The following ABCA3 variants were observed in gnomAD, a reference collection of about 807,000 sequenced individuals.
ABCA3 encodes the protein phospholipid-transporting ATPase ABCA3.
A neutral mutation model predicts 172.8 loss-of-function variants in ABCA3; 88 were observed. That is an observed-to-expected ratio of 0.51 (90% CI 0.43 to 0.61). ABCA3 has a LOEUF of 0.61. Among genes scored for constraint, ABCA3 ranks in the 20% least tolerant of loss-of-function variants. ABCA3 has a pLI of 0.00. For missense variants in ABCA3, 2,164 were observed against 2,301.0 expected, an observed-to-expected ratio of 0.94 and a Z score of 1.22; for synonymous variants, 1,066 against 983.8, an observed-to-expected ratio of 1.08 and a Z score of -1.56.
At chr16:2,311,238 CT>C (rs1446898999) in intron 10 of ABCA3, among the ~76,000 whole-genome samples, 1 of 152,110 alleles carries the variant, frequency 6.6e-6, no homozygotes, top group Non-Finnish European at 1.5e-5. Flanking sequence ...TCCCAAAGTG[CT>C]GGAATTACAG....
intron 10 of ABCA3, among the ~76,000 whole-genome samples, chr16:2,313,068 T>A (rs892064904): frequency 7.3e-5 from 11 of 151,180 alleles, no homozygotes; most frequent in African/African-American, 2.4e-4. Flanking sequence ...ACAAAAAAAA[T>A]TTAAAAAATA....
chr16:2,278,965 T>C lies in ABCA3; in HGVS notation c.4525A>G (p.Asn1509Asp), dbSNP rs763443327. Residue 1509 changes from asparagine to aspartate, a missense_variant, in exon 29 of 33, where the codon AAC becomes GAC. By Grantham distance (23) the Asn-to-Asp change is conservative. Around this residue, in one of 3 missense-constraint regions of ABCA3, gnomAD observed 795 missense variants for 881.9 expected, o/e 0.90. Transcript: ENST00000301732. The surrounding 1 kb of genome is among the most constrained non-coding windows in gnomAD (Gnocchi z 4.4). ...CACCTGTACGTCCTGACCAGCTTGT[T>C]GGCATGTGGCTCCAGCAGCAGGCCC... ...LRGLLLEPHA[N>D]KLVRTYSGGN... The C allele has an allele frequency of 2.5e-6, 4 of 1,613,606 alleles. No individual in the cohort carries two copies. In the Admixed American group the frequency reaches 6.7e-5, roughly 27 times the overall value.
In ABCA3 at chr16:2,284,409, G is replaced by A; in HGVS notation, c.3732C>T (p.Thr1244=). ...PAVKLEELSK[T]LDHVFLVLPN... Reference sequence around the variant, plus strand: ...GCAGCACCAGGAACACGTGATCCAGGGTTTTGGAAAGTTCTTCCAGTTTTA... The same window carrying A: ...GCAGCACCAGGAACACGTGATCCAGAGTTTTGGAAAGTTCTTCCAGTTTTA... The change falls in exon 25 of 33, where the codon ACC becomes ACT. Residue 1244 remains threonine, a synonymous_variant. Transcript: ENST00000301732. This position sits in a 1 kb window ranked among gnomAD's most constrained non-coding sequence, Gnocchi z 5.9. The A allele has an allele frequency of 6.2e-7, 1 of 1,613,982 alleles. No individual in the cohort carries two copies.
At chr16:2,290,475 A>C (rs1024577311) in intron 19 of ABCA3, among the ~76,000 whole-genome samples, 1 of 152,038 alleles carries the variant, frequency 6.6e-6, no homozygotes, top group Non-Finnish European at 1.5e-5. Flanking sequence ...GGTGAGTATG[A>C]GATGGGGCCA....
At position 2,326,037 on chromosome 16, in the gene ABCA3, G is replaced by A. The variant is rs746902527; in HGVS notation, c.292C>T (p.Arg98Cys). The change falls in exon 5 of 33, where the codon CGC becomes TGC. Residue 98 changes from arginine (R) to cysteine (C), a missense_variant. By Grantham distance (180) the Arg-to-Cys change is radical. This residue lies in a region of ABCA3 where 1,343 missense variants were observed against 1,369.6 expected (regional missense o/e 0.98). Transcript: ENST00000301732. ...DAAKTVTETVRRALVINMRVR... is the reference protein window; with the variant it reads ...DAAKTVTETVCRALVINMRVR... ...CGCATGTTGATCACAAGTGCCCTGC[G>A]CACTGTCTCAGTGACGGTCTTGGCA... 80 of 1,613,918 alleles carry A rather than the reference G, an allele frequency of 5.0e-5. No homozygotes were observed. Among genetic ancestry groups the A allele is most frequent in the South Asian group, 3.3e-4 (30 of 91,082 alleles).
At chr16:2,335,925 AAGG>A (rs771681968) in intron 1 of ABCA3, among the ~76,000 whole-genome samples, 9 of 152,222 alleles carry the variant, frequency 5.9e-5, no homozygotes, top group East Asian at 1.9e-4. Context: ...CAGAGAATTT[AAGG>A]AGAAGGTACA....
Position 2,295,654 on chromosome 16 carries a change from C to T in ABCA3, c.2350G>A (p.Ala784Thr), listed in dbSNP as rs766775847. The T allele has an allele frequency of 4.3e-6, 7 of 1,613,926 alleles. No homozygotes were observed. Among genetic ancestry groups the T allele is most frequent in the Admixed American group, 3.3e-5 (2 of 60,016 alleles). Reference sequence around the variant, plus strand: ...GCCCCAGCGCTGCTCTCCAGCGTGGCGTTGGGCACGTGGTGGTGGACCAGC... The same window carrying T: ...GCCCCAGCGCTGCTCTCCAGCGTGGTGTTGGGCACGTGGTGGTGGACCAGC... ...SQLVHHHVPN[A>T]TLESSAGAEL... Residue 784 changes from alanine to threonine, a missense_variant, in exon 18 of 33, where the codon GCC becomes ACC. Physicochemically the swap from Ala to Thr is moderately conservative, Grantham distance 58. Around this residue, in one of 3 missense-constraint regions of ABCA3, gnomAD observed 1,343 missense variants for 1,369.6 expected, o/e 0.98. Transcript: ENST00000301732.
At chr16:2,292,331 G>A in intron 18 of ABCA3, 93 bp from the exon 19 acceptor site, 1 of 1,070,010 alleles carries the variant, frequency 9.3e-7, no homozygotes, top group Non-Finnish European at 1.4e-6. Context: ...CAGGCACAGT[G>A]CCTCACACCT....
At chr16:2,320,747 C>T (rs991508464) in intron 7 of ABCA3, among the ~76,000 whole-genome samples, 1 of 152,036 alleles carries the variant, frequency 6.6e-6, no homozygotes, top group Non-Finnish European at 1.5e-5. Flanking sequence ...GCATGGACAT[C>T]TGGAGGCAAA....
At chr16:2,304,207 C>T in intron 11 of ABCA3, 57 bp from the exon 12 acceptor site, 2 of 1,599,838 alleles carry the variant, frequency 1.3e-6, no homozygotes, top group Non-Finnish European at 1.7e-6. Context: ...GGCCCAGGGA[C>T]CCGAAGCCCC....
At chr16:2,334,111 CGT>C (rs997864840) in intron 1 of ABCA3, among the ~76,000 whole-genome samples, 2 of 152,040 alleles carry the variant, frequency 1.3e-5, no homozygotes, top group Middle Eastern at 3.2e-3. Context: ...GAATTAATTG[CGT>C]GTGTGAGACA....
chr16:2,319,924 G>T (rs1596862235), intron 7 of ABCA3, 84 bp from the exon 8 acceptor site: 1 of 1,576,064 alleles, frequency 6.3e-7, no homozygotes, highest in Non-Finnish European at 8.6e-7. Context: ...GGTCCATGGG[G>T]GAAGAGATGC....
intron 1 of ABCA3, among the ~76,000 whole-genome samples, chr16:2,335,302 ATTTGTTTG>A (rs544676061): frequency 6.6e-5 from 10 of 151,908 alleles, no homozygotes; most frequent in Non-Finnish European, 1.2e-4. Context: ...GGCTTCACTG[ATTTGTTTG>A]TTTGTTTGTT....
At position 2,281,236 on chromosome 16, in the gene ABCA3, C is replaced by G. The variant is rs768442294; in HGVS notation, c.4165-15G>C. On this transcript the variant is annotated splice_polypyrimidine_tract_variant and intron_variant, in intron 27 of 32. Coordinates refer to ENST00000301732, the MANE Select transcript of ABCA3 (RefSeq NM_001089.3). This position sits in a 1 kb window ranked among gnomAD's most constrained non-coding sequence, Gnocchi z 4.7. ...TGCTCGTACACCTGCAGGCACCCAA[C>G]AGAAAACACGGAATGCGGAGGCCTG... The G allele has an allele frequency of 1.2e-6, 2 of 1,613,410 alleles. No individual in the cohort carries two copies. The highest frequency in any genetic ancestry group is 3.3e-5 in the Admixed American group (2 of 60,026).
intron 11 of ABCA3, among the ~76,000 whole-genome samples, chr16:2,305,999 T>C (rs974647470): frequency 1.3e-5 from 2 of 152,188 alleles, no homozygotes; most frequent in Non-Finnish European, 2.9e-5. Context: ...ATGGAAATAA[T>C]GCTCTCCAGC....
chr16:2,316,579 G>A (rs1353259171), intron 10 of ABCA3, among the ~76,000 whole-genome samples: 2 of 143,256 alleles, frequency 1.4e-5, no homozygotes, highest in African/African-American at 5.2e-5. Flanking sequence ...TCAAGAGGCT[G>A]AGGCACAAGA....
Position 2,278,252 on chromosome 16 carries a change from C to A in ABCA3, c.4718+36G>T. On this transcript the variant is annotated intron_variant, in intron 30 of 32. Coordinates refer to ENST00000301732, the MANE Select transcript of ABCA3 (RefSeq NM_001089.3). The surrounding 1 kb of genome is among the most constrained non-coding windows in gnomAD (Gnocchi z 4.4). ...TGGCTCCTCCATGGCCCACCCGGTG[C>A]TGAAACTTCCAGTAACCCACAGACC... The A allele has an allele frequency of 1.2e-6, 2 of 1,603,828 alleles. No individual in the cohort carries two copies. Among genetic ancestry groups the A allele is most frequent in the Non-Finnish European group, 1.7e-6 (2 of 1,179,938 alleles).
Position 2,300,124 on chromosome 16 carries a change from T to G in ABCA3, c.1492A>C (p.Arg498=). The change falls in exon 13 of 33, where the codon AGG becomes CGG. Residue 498 remains arginine (R), a synonymous_variant. Transcript: ENST00000301732. ...IMPSYWCGKP[R]AVAGKEEEDS... ...TCTTCCTCCTTCCCTGCAACCGCCC[T>G]TGGCTTCCCACACCAATAGGAGGGC... 6.2e-7 allele frequency: 1 copy of G among 1,613,570 alleles called. No homozygotes were observed. Among genetic ancestry groups the G allele is most frequent in the Non-Finnish European group, 8.5e-7 (1 of 1,179,922 alleles).
At chr16:2,310,981 T>C (rs1277198402) in intron 10 of ABCA3, among the ~76,000 whole-genome samples, 1 of 151,842 alleles carries the variant, frequency 6.6e-6, no homozygotes, top group African/African-American at 2.4e-5. Flanking sequence ...CTTTTCTTTT[T>C]TTTTCTTTTT....
Sources: allele counts gnomAD v4.1 joint callset (sites outside exome capture counted in the v4.1 genomes callset), GRCh38; gene constraint gnomAD v4.1.1; regional missense constraint gnomAD v4.1.1; non-coding constraint Gnocchi (gnomAD v3.1); transcripts MANE v1.5; gene names NCBI Gene and HGNC (gene_info 2026-07-23, HGNC 2026-07-21).